The following CSMD2 variants were observed in gnomAD, a reference collection of about 807,000 sequenced individuals.
The protein encoded by CSMD2 is CUB and Sushi multiple domains 2.
CSMD2 carries 130 observed loss-of-function variants against 398.5 expected under a neutral mutation model. The ratio of observed to expected loss-of-function variants is 0.33; its 90% CI spans 0.28 to 0.38. The LOEUF is 0.38. Among genes scored for constraint, CSMD2 ranks in the 10% least tolerant of loss-of-function variants. The pLI is 1.00. For synonymous variants in CSMD2, 1,828 were observed against 1,908.5 expected, an observed-to-expected ratio of 0.96 and a Z score of 1.10; for missense variants, 3,829 against 4,764.9, an observed-to-expected ratio of 0.80 and a Z score of 5.78.
In CSMD2 at chr1:33,559,960, C is replaced by T. The variant is rs570681977; in HGVS notation, c.8381-487G>A. On this transcript the variant is annotated intron_variant, in intron 53 of 70. Transcript: ENST00000373381. This position sits in a 1 kb window ranked among gnomAD's most constrained non-coding sequence, Gnocchi z 4.0. ...CAATAGCCCAGGTAAACTGGGGAAG[C>T]AGAGCTGCTGTTTGGAGAGAACCCA... Among the ~76,000 whole-genome samples the T allele has an allele frequency of 6.6e-6, 1 of 152,308 alleles. No homozygotes were observed. Among genetic ancestry groups the T allele is most frequent in the South Asian group, 2.1e-4 (1 of 4,820 alleles).
chr1:34,053,833 G>T (rs1306677170), intron 2 of CSMD2, among the ~76,000 whole-genome samples: 1 of 152,156 alleles, frequency 6.6e-6, no homozygotes, highest in Non-Finnish European at 1.5e-5. Flanking sequence ...GAAAGGGAAA[G>T]ATGAGCTAGA....
intron 1 of CSMD2, among the ~76,000 whole-genome samples, chr1:34,090,655 T>C (rs1384611653): frequency 6.6e-6 from 1 of 152,084 alleles, no homozygotes; most frequent in Non-Finnish European, 1.5e-5. Flanking sequence ...ACTCTATCTC[T>C]ATCTCCGTCT....
In CSMD2 at chr1:33,964,027, T is replaced by C. The variant is rs115174910; in HGVS notation, c.518-28073A>G. ...CCAAAGTGGTTGTGCCATTTTGTCT[T>C]CTCACCTACAGTGTACGAGAGTCTC... On this transcript the variant is annotated intron_variant, in intron 3 of 70. Transcript: ENST00000373381. 4.7e-3 allele frequency among the ~76,000 whole-genome samples: 714 copies of C among 152,326 alleles called. 7 individuals carry two copies. Among genetic ancestry groups the C allele is most frequent in the African/African-American group, 0.016 (675 of 41,576 alleles).
intron 3 of CSMD2, among the ~76,000 whole-genome samples, chr1:33,976,956 T>C (rs1293901120): frequency 1.3e-5 from 2 of 151,936 alleles, no homozygotes; most frequent in Admixed American, 1.3e-4. Flanking sequence ...AGTGGCAGTT[T>C]ATGGGATATG....
chr1:33,646,845 A>G lies in CSMD2; in HGVS notation c.4587-10T>C, dbSNP rs1475074610. On this transcript the variant is annotated splice_polypyrimidine_tract_variant and intron_variant, in intron 28 of 70. Transcript: ENST00000373381. Reference sequence around the variant, plus strand: ...AGGCTCCAGGTTAAAGCTGGGGAACAAAAACATCCCACCCCCACCCCACTA... The same window carrying G: ...AGGCTCCAGGTTAAAGCTGGGGAACGAAAACATCCCACCCCCACCCCACTA... 2 of 1,602,888 alleles carry G rather than the reference A, an allele frequency of 1.2e-6. No homozygotes were observed. The highest frequency in any genetic ancestry group is 8.5e-7 in the Non-Finnish European group (1 of 1,173,894).
intron 32 of CSMD2, among the ~76,000 whole-genome samples, chr1:33,629,099 G>C (rs1174165971): frequency 6.7e-6 from 1 of 149,208 alleles, no homozygotes; most frequent in South Asian, 2.1e-4. Context: ...AACTAAAGTA[G>C]GGAATTCAGA....
intron 5 of CSMD2, among the ~76,000 whole-genome samples, chr1:33,915,468 T>C (rs1223042648): frequency 6.6e-6 from 1 of 152,230 alleles, no homozygotes; most frequent in Non-Finnish European, 1.5e-5. Flanking sequence ...ATAATTATAA[T>C]GTAATCTTAT....
chr1:33,817,728 C>T (rs922191094), intron 9 of CSMD2, among the ~76,000 whole-genome samples: 4 of 152,178 alleles, frequency 2.6e-5, no homozygotes, highest in African/African-American at 9.7e-5. Flanking sequence ...CAAAGTAACC[C>T]CACGAAGTAA....
At chr1:33,647,220 G>A (rs1643503145) in intron 28 of CSMD2, among the ~76,000 whole-genome samples, 4 of 152,218 alleles carry the variant, frequency 2.6e-5, no homozygotes, top group Middle Eastern at 6.8e-3. Context: ...GTGCTCTTCT[G>A]AACCTCATTT....
At chr1:34,157,072 G>A (rs812204) in intron 1 of CSMD2, among the ~76,000 whole-genome samples, 148 of 152,268 alleles carry the variant, frequency 9.7e-4, no homozygotes, top group Non-Finnish European at 1.5e-3. Flanking sequence ...GTTTGTGCCA[G>A]GCATATTTTT....
chr1:33,979,268 C>T (rs981061753), intron 3 of CSMD2, among the ~76,000 whole-genome samples: 1 of 152,264 alleles, frequency 6.6e-6, no homozygotes, highest in South Asian at 2.1e-4. Context: ...TTCCCTTCCT[C>T]CTTGTGTCTG....
At chr1:33,668,182 G>A (rs1023876994) in intron 25 of CSMD2, among the ~76,000 whole-genome samples, 8 of 152,174 alleles carry the variant, frequency 5.3e-5, no homozygotes, top group African/African-American at 7.2e-5. Context: ...CCATGGAGGC[G>A]ACACTGGGCC....
At chr1:33,563,078 G>A (rs1350631924) in intron 53 of CSMD2, among the ~76,000 whole-genome samples, 3 of 152,234 alleles carry the variant, frequency 2.0e-5, no homozygotes, top group Non-Finnish European at 4.4e-5. Flanking sequence ...TCCTGATGAG[G>A]CTTGAGCACT....
At chr1:33,529,695 G>T (rs150216989) in intron 64 of CSMD2, among the ~76,000 whole-genome samples, 1 of 151,982 alleles carries the variant, frequency 6.6e-6, no homozygotes, top group East Asian at 1.9e-4. Context: ...ATAAAACATA[G>T]GCATAAATCT....
At chr1:33,611,608 T>C (rs1223091375) in intron 40 of CSMD2, among the ~76,000 whole-genome samples, 1 of 152,254 alleles carries the variant, frequency 6.6e-6, no homozygotes. Context: ...AAACTTTTCA[T>C]TTAAAAATAA....
intron 25 of CSMD2, among the ~76,000 whole-genome samples, chr1:33,687,772 T>C (rs917161604): frequency 1.3e-5 from 2 of 151,660 alleles, no homozygotes; most frequent in Admixed American, 1.3e-4. Context: ...AACCACTTAG[T>C]AACTGAAAAA....
rs1416300260 is a variant in CSMD2, at chr1:34,014,800, TAGGTTTGC to T, written c.517+17786_517+17793del. Among the ~76,000 whole-genome samples, 16 of 152,344 alleles carry T rather than the reference TAGGTTTGC, an allele frequency of 1.1e-4. No individual in the cohort carries two copies. The East Asian group carries it at 3.1e-3, about 29-fold the overall frequency. On this transcript the variant is annotated intron_variant, in intron 3 of 70. Coordinates refer to ENST00000373381, the MANE Select transcript of CSMD2 (RefSeq NM_001281956.2). ...TGAACAACAGCAACAACAAAACACCTAGGTTTGCATAACCTTTATAGTGTTTGAGGACA... is the reference window on the plus strand; with the variant it reads ...TGAACAACAGCAACAACAAAACACCTATAACCTTTATAGTGTTTGAGGACA...
chr1:33,545,475 A>G (rs1656789015), intron 57 of CSMD2, among the ~76,000 whole-genome samples: 1 of 152,156 alleles, frequency 6.6e-6, no homozygotes, highest in African/African-American at 2.4e-5. Flanking sequence ...GGAGATCAAG[A>G]TGTGTGTCTC....
chr1:33,960,754 G>A (rs990574993), intron 3 of CSMD2, among the ~76,000 whole-genome samples: 2 of 152,228 alleles, frequency 1.3e-5, no homozygotes, highest in Admixed American at 1.3e-4. Context: ...TCTGGGGGAT[G>A]AGAGTTTTGC....
Sources: gnomAD v4.1 joint callset for allele counts (sites outside exome capture counted in the v4.1 genomes callset) on GRCh38, gnomAD v4.1.1 for gene constraint, Gnocchi (gnomAD v3.1) non-coding constraint, MANE v1.5 for transcripts, NCBI Gene and HGNC (gene_info 2026-07-23, HGNC 2026-07-21) for gene names.